The following PDE1C variants were observed in gnomAD, a reference collection of about 807,000 sequenced individuals.
The protein encoded by PDE1C is dual specificity calcium/calmodulin-dependent 3',5'-cyclic nucleotide phosphodiesterase 1C.
PDE1C carries 62 observed loss-of-function variants against 93.1 expected under a neutral mutation model. The observed-to-expected ratio is 0.67, with a 90% CI of 0.54 to 0.82. The LOEUF is 0.82. PDE1C is among the 40% of genes least tolerant of loss of function. The pLI, the probability that PDE1C is intolerant of heterozygous loss-of-function variation, is 0.00. For missense variants in PDE1C, 742 were observed against 884.6 expected (o/e 0.84, Z 2.04); for synonymous variants, 325 against 310.1 (o/e 1.05, Z -0.50).
At chr7:32,063,469 T>A (rs1795038825) in intron 1 of PDE1C, among the ~76,000 whole-genome samples, 1 of 152,220 alleles carries the variant, frequency 6.6e-6, no homozygotes, top group African/African-American at 2.4e-5. Flanking sequence ...GAGGGCTGCT[T>A]CCCAACTGAC....
At chr7:31,877,833 T>C in intron 5 of PDE1C, 137 bp downstream of exon 5, 1 of 604,840 alleles carries the variant, frequency 1.7e-6, no homozygotes, top group East Asian at 2.8e-5. Context: ...GAACAAATAA[T>C]AAAAAGATAA....
intron 2 of PDE1C, among the ~76,000 whole-genome samples, chr7:32,035,109 A>G (rs538095831): frequency 2.0e-5 from 3 of 152,248 alleles, no homozygotes; most frequent in Non-Finnish European, 2.9e-5. Context: ...ATCAAAAGCC[A>G]CCGAAATCCA....
intron 1 of PDE1C, among the ~76,000 whole-genome samples, chr7:32,247,246 G>GA (rs1809030624): frequency 8.1e-6 from 1 of 122,854 alleles, no homozygotes; most frequent in Non-Finnish European, 1.8e-5. Flanking sequence ...GCGAATTGAA[G>GA]CAGTGGCCAC....
At chr7:31,938,144 C>T (rs1020721702) in intron 2 of PDE1C, among the ~76,000 whole-genome samples, 3 of 151,144 alleles carry the variant, frequency 2.0e-5, no homozygotes, top group Non-Finnish European at 3.0e-5. Context: ...TGTGTAGATA[C>T]AATCTAGGGC....
At chr7:32,213,777 A>G (rs185456495) in intron 1 of PDE1C, among the ~76,000 whole-genome samples, 58 of 152,350 alleles carry the variant, frequency 3.8e-4, no homozygotes, top group African/African-American at 1.3e-3. Flanking sequence ...TCTATGCCAT[A>G]CTGCTCACAA....
At chr7:32,309,609 A>C (rs575640845) in intron 1 of PDE1C, among the ~76,000 whole-genome samples, 232 of 152,328 alleles carry the variant, frequency 1.5e-3, no homozygotes, top group Non-Finnish European at 2.9e-3. Flanking sequence ...ATTCTTATAG[A>C]AAAGAATTTC....
intron 1 of PDE1C, among the ~76,000 whole-genome samples, chr7:32,405,537 G>A (rs415483): frequency 0.85 from 129,233 of 152,132 alleles, 57,225 homozygotes; most frequent in East Asian, 0.99. Flanking sequence ...GTGAGCCACC[G>A]TGCCCGGCCT....
the PDE1C span, among the ~76,000 whole-genome samples, chr7:31,726,467 G>A: frequency 2.8e-4 from 42 of 152,276 alleles, no homozygotes; most frequent in African/African-American, 9.6e-4. Context: ...GGCTGGCCAG[G>A]CATTCACAAG....
the PDE1C span, among the ~76,000 whole-genome samples, chr7:31,661,909 C>T: frequency 3.3e-5 from 5 of 152,126 alleles, no homozygotes; most frequent in African/African-American, 9.7e-5. Flanking sequence ...CCTGAGCAAT[C>T]GCATTTGCAC....
intron 1 of PDE1C, among the ~76,000 whole-genome samples, chr7:32,335,708 GTTTTTTTGT>G (rs1783605219): frequency 7.6e-6 from 1 of 132,100 alleles, no homozygotes; most frequent in Non-Finnish European, 1.6e-5. Context: ...CTCTGTTTTT[GTTTTTTTGT>G]TTGTTTGTTT....
chr7:31,635,771 G>C, the PDE1C span, among the ~76,000 whole-genome samples: 1 of 151,984 alleles, frequency 6.6e-6, no homozygotes, highest in Admixed American at 6.6e-5. Flanking sequence ...ATTGGGGCTT[G>C]TAAGGGGAGG....
At chr7:32,010,848 G>T (rs1031351171) in intron 2 of PDE1C, among the ~76,000 whole-genome samples, 2 of 152,056 alleles carry the variant, frequency 1.3e-5, no homozygotes, top group African/African-American at 4.8e-5. Flanking sequence ...CAGTCATATT[G>T]GATTAGAGCC....
At chr7:31,678,486 G>C in the PDE1C span, among the ~76,000 whole-genome samples, 3,157 of 152,146 alleles carry the variant, frequency 0.021, 113 homozygotes, top group African/African-American at 0.071. Flanking sequence ...TGAGGGAAGG[G>C]AGTAAACTTT....
chr7:32,126,322 A>G (rs1799580886), intron 3 of PDE1C, among the ~76,000 whole-genome samples: 1 of 152,174 alleles, frequency 6.6e-6, no homozygotes, highest in African/African-American at 2.4e-5. Flanking sequence ...AACTGAGACC[A>G]AGAAAAATAA....
intron 16 of PDE1C, among the ~76,000 whole-genome samples, chr7:31,796,947 C>T (rs908447881): frequency 6.6e-6 from 1 of 151,736 alleles, no homozygotes; most frequent in Non-Finnish European, 1.5e-5. Context: ...TATTACAACT[C>T]TCTCCTCCAT....
At position 31,915,148 on chromosome 7, in the gene PDE1C, C is replaced by T. The variant is rs191569883; in HGVS notation, c.129-34288G>A. On this transcript the variant is annotated intron_variant, in intron 2 of 17. Coordinates refer to ENST00000396191, the MANE Select transcript of PDE1C (RefSeq NM_001191057.4). ...ATTTAAGGTACTTTAAGTATCTAATCGCAAGTAAGCCTTACTGCTGTCCAC... is the reference window on the plus strand; with the variant it reads ...ATTTAAGGTACTTTAAGTATCTAATTGCAAGTAAGCCTTACTGCTGTCCAC... 1.4e-4 allele frequency among the ~76,000 whole-genome samples: 21 copies of T among 152,294 alleles called. 2 individuals carry two copies. In the East Asian group the frequency reaches 3.5e-3, roughly 25 times the overall value.
the PDE1C span, among the ~76,000 whole-genome samples, chr7:31,627,577 G>A: frequency 5.6e-5 from 8 of 143,878 alleles, no homozygotes; most frequent in Admixed American, 7.5e-5. Flanking sequence ...AGGATTGCTT[G>A]AGCCCAGGAG....
intron 2 of PDE1C, among the ~76,000 whole-genome samples, chr7:32,022,167 A>C (rs1788771073): frequency 6.6e-6 from 1 of 152,038 alleles, no homozygotes; most frequent in Admixed American, 6.6e-5. Context: ...AAAGGAAGAA[A>C]GTGAGAGGAA....
chr7:32,424,485 T>C (rs1408328146), intron 1 of PDE1C, among the ~76,000 whole-genome samples: 1 of 152,188 alleles, frequency 6.6e-6, no homozygotes, highest in African/African-American at 2.4e-5. Context: ...CAAAAGACAT[T>C]ACTAATAATA....
Sources: allele counts gnomAD v4.1 joint callset (sites outside exome capture counted in the v4.1 genomes callset), GRCh38; gene constraint gnomAD v4.1.1; transcripts MANE v1.5; gene names NCBI Gene and HGNC (gene_info 2026-07-23, HGNC 2026-07-21).